PKNOX2: variants seen among roughly 807,000 people sequenced by gnomAD.
PKNOX2 encodes the protein PBX/knotted 1 homeobox 2.
PKNOX2 carries 14 observed loss-of-function variants against 53.1 expected under a neutral mutation model. That is an observed-to-expected ratio of 0.26 (90% CI 0.17 to 0.41). The LOEUF is 0.41. Among genes scored for constraint, PKNOX2 ranks in the 10% least tolerant of loss-of-function variants. The probability of loss-of-function intolerance (pLI) is 1.00; values close to 1 mark genes in which losing one functional copy is unlikely to be tolerated. For synonymous variants in PKNOX2, 257 were observed against 242.8 expected, an observed-to-expected ratio of 1.06 and a Z score of -0.54; for missense variants, 496 against 602.8, an observed-to-expected ratio of 0.82 and a Z score of 1.85.
intron 2 of PKNOX2, among the ~76,000 whole-genome samples, chr11:125,241,653 G>A (rs1408944641): frequency 6.6e-6 from 1 of 152,158 alleles, no homozygotes; most frequent in East Asian, 1.9e-4. Context: ...TCAGGAGTTC[G>A]AGACCAGACT....
At chr11:125,212,598 G>T (rs1939997435) in intron 1 of PKNOX2, among the ~76,000 whole-genome samples, 1 of 151,668 alleles carries the variant, frequency 6.6e-6, no homozygotes, top group Admixed American at 6.6e-5. Flanking sequence ...TCAGAGCTCG[G>T]TGTTGCCAGG....
chr11:125,320,851 ACTC>A (rs1168933468), intron 2 of PKNOX2, among the ~76,000 whole-genome samples: 1 of 152,080 alleles, frequency 6.6e-6, no homozygotes, highest in Non-Finnish European at 1.5e-5. Flanking sequence ...TGACAGAAGC[ACTC>A]CATGCTGGCA....
Position 125,381,169 on chromosome 11 carries a change from C to T in PKNOX2, c.228-4382C>T, listed in dbSNP as rs543787810. ...GTGGATGGAGCATGGGAGCCACAGG[C>T]GCCCCGCTGACCATGACCATGGATC... is the stretch of plus-strand genomic sequence containing the variant. On this transcript the variant is annotated intron_variant, in intron 5 of 12. Transcript: ENST00000298282. 3.3e-5 allele frequency among the ~76,000 whole-genome samples: 5 copies of T among 152,192 alleles called. No homozygotes were observed. In the South Asian group the frequency reaches 6.2e-4, roughly 19 times the overall value.
At chr11:125,349,702 T>C (rs1186516986) in intron 3 of PKNOX2, among the ~76,000 whole-genome samples, 1 of 152,142 alleles carries the variant, frequency 6.6e-6, no homozygotes, top group Non-Finnish European at 1.5e-5. Flanking sequence ...GAGTTGGTGG[T>C]TGGTAGACAT....
At position 125,403,080 on chromosome 11, in the gene PKNOX2, G is replaced by GAA. The variant is rs1448751491; in HGVS notation, c.588+5020_588+5021dup. 3.3e-5 allele frequency among the ~76,000 whole-genome samples: 5 copies of GAA among 152,304 alleles called. No individual in the cohort carries two copies. The East Asian group carries it at 9.6e-4, about 29-fold the overall frequency. ...TAGCAAGAAGTCTGAAAGAAGGCGA[G>GAA]AAACAGAGAGAGCCAATCAGAATCC... is the stretch of plus-strand genomic sequence containing the variant. On this transcript the variant is annotated intron_variant, in intron 7 of 12. Transcript: ENST00000298282.
intron 2 of PKNOX2, among the ~76,000 whole-genome samples, chr11:125,286,505 G>C (rs1200308495): frequency 6.6e-6 from 1 of 152,210 alleles, no homozygotes; most frequent in Non-Finnish European, 1.5e-5. Flanking sequence ...TATTGTGCCT[G>C]ATGTGGGCAC....
chr11:125,388,967 G>A (rs1305613711), intron 6 of PKNOX2, among the ~76,000 whole-genome samples: 1 of 152,196 alleles, frequency 6.6e-6, no homozygotes, highest in East Asian at 1.9e-4. Flanking sequence ...GTCCAAGGCG[G>A]GCAGATCACA....
chr11:125,321,702 A>G (rs1006608193), intron 2 of PKNOX2, among the ~76,000 whole-genome samples: 4 of 152,232 alleles, frequency 2.6e-5, no homozygotes, highest in African/African-American at 9.6e-5. Context: ...AACTTTAATT[A>G]CAAAAACAGG....
rs1035912640 is a variant in PKNOX2, at chr11:125,282,752, T to C, written c.-130+47637T>C. ...TGTCCAGTAAAACGTTTTGCAATGA[T>C]GGAATTGTTCTATGTCTGTGCTGGC... On this transcript the variant is annotated intron_variant, in intron 2 of 12. Coordinates refer to ENST00000298282, the MANE Select transcript of PKNOX2 (RefSeq NM_001382323.2). 1.1e-4 allele frequency among the ~76,000 whole-genome samples: 16 copies of C among 152,234 alleles called. 1 individual carries two copies. The highest frequency in any genetic ancestry group is 2.4e-5 in the African/African-American group (1 of 41,460).
chr11:125,210,496 G>A lies in PKNOX2; in HGVS notation c.-200-24549G>A, dbSNP rs1445149135. Among the ~76,000 whole-genome samples the A allele has an allele frequency of 2.0e-5, 3 of 152,132 alleles. 1 individual carries two copies. The highest frequency in any genetic ancestry group is 4.4e-5 in the Non-Finnish European group (3 of 68,008). On this transcript the variant is annotated intron_variant, in intron 1 of 12. Coordinates refer to ENST00000298282, the MANE Select transcript of PKNOX2 (RefSeq NM_001382323.2). ...TGCAGTGTTGGATGAGTGTGCATGG[G>A]GTGCAGCACAGCGAGGCCCTCCCTT...
chr11:125,202,163 C>G (rs1038302108), intron 1 of PKNOX2, among the ~76,000 whole-genome samples: 5 of 152,178 alleles, frequency 3.3e-5, no homozygotes, highest in African/African-American at 1.2e-4. Context: ...ACATGTTTTT[C>G]TTTGGCTTCC....
intron 2 of PKNOX2, among the ~76,000 whole-genome samples, chr11:125,263,312 C>T (rs1014054401): frequency 6.6e-6 from 1 of 152,228 alleles, no homozygotes; most frequent in Non-Finnish European, 1.5e-5. Context: ...GCTCCCTTCC[C>T]GTCCCTAGCA....
At chr11:125,283,066 C>G (rs1448253499) in intron 2 of PKNOX2, among the ~76,000 whole-genome samples, 6 of 152,230 alleles carry the variant, frequency 3.9e-5, no homozygotes, top group Admixed American at 2.0e-4. Context: ...GCAGGAGAAT[C>G]GCTTGAGCTT....
chr11:125,210,549 G>A (rs1225705893), intron 1 of PKNOX2, among the ~76,000 whole-genome samples: 1 of 152,150 alleles, frequency 6.6e-6, no homozygotes, highest in Non-Finnish European at 1.5e-5. Flanking sequence ...TGTGAAGAAG[G>A]TGCTCCCTCT....
chr11:125,280,063 C>A (rs908397851), intron 2 of PKNOX2, among the ~76,000 whole-genome samples: 9 of 148,812 alleles, frequency 6.0e-5, no homozygotes, highest in Non-Finnish European at 1.2e-4. Context: ...AAGATACCCA[C>A]AGAAAAAATT....
intron 2 of PKNOX2, among the ~76,000 whole-genome samples, chr11:125,242,109 G>A (rs1180441968): frequency 6.6e-6 from 1 of 152,152 alleles, no homozygotes; most frequent in East Asian, 1.9e-4. Context: ...ATGAGTAGGG[G>A]CACTTCATCT....
At chr11:125,228,827 C>T (rs1005784453) in intron 1 of PKNOX2, among the ~76,000 whole-genome samples, 1 of 151,848 alleles carries the variant, frequency 6.6e-6, no homozygotes, top group Non-Finnish European at 1.5e-5. Context: ...CCTTTTTTGC[C>T]AATGCATTCC....
intron 3 of PKNOX2, among the ~76,000 whole-genome samples, chr11:125,340,724 G>A (rs886825369): frequency 7.2e-5 from 11 of 152,160 alleles, no homozygotes; most frequent in African/African-American, 2.2e-4. Flanking sequence ...GACTCAAAGG[G>A]TTATGCTTCT....
chr11:125,346,763 A>AAG (rs1950992644), intron 3 of PKNOX2, among the ~76,000 whole-genome samples: 1 of 134,146 alleles, frequency 7.5e-6, no homozygotes, highest in African/African-American at 3.9e-5. Context: ...GAAGGAAGGG[A>AAG]GGAAGGAGGG....
Sources: allele counts gnomAD v4.1 joint callset (sites outside exome capture counted in the v4.1 genomes callset), GRCh38; gene constraint gnomAD v4.1.1; transcripts MANE v1.5; gene names NCBI Gene and HGNC (gene_info 2026-07-23, HGNC 2026-07-21).